Variants in SAMMSON observed in about 807,000 individuals in gnomAD.
The protein encoded by SAMMSON is survival associated mitochondrial melanoma specific oncogenic non-coding RNA.
chr3:70,043,640 G>T (rs1055177147), intron 3 of SAMMSON, among the ~76,000 whole-genome samples: 1 of 151,990 alleles, frequency 6.6e-6, no homozygotes, highest in Non-Finnish European at 1.5e-5. Flanking sequence ...CTGACCTGGG[G>T]TAGTTTTTAA....
intron 8 of SAMMSON, chr3:70,354,388 G>GT (rs1702814588): frequency 6.6e-6 from 1 of 152,130 alleles, no homozygotes; most frequent in Non-Finnish European, 1.5e-5. Flanking sequence ...ATCAAATGAA[G>GT]AGTAAAATGA....
At chr3:70,333,901 T>A (rs1267212080) in intron 7 of SAMMSON, among the ~76,000 whole-genome samples, 1 of 152,218 alleles carries the variant, frequency 6.6e-6, no homozygotes, top group Non-Finnish European at 1.5e-5. Context: ...GCCCAATTTC[T>A]TACATATTGG....
At chr3:70,171,329 T>A (rs1280417586) in intron 4 of SAMMSON, among the ~76,000 whole-genome samples, 1 of 151,802 alleles carries the variant, frequency 6.6e-6, no homozygotes, top group Admixed American at 6.6e-5. Context: ...CTAGTAAATC[T>A]GGGAGCACCT....
At chr3:70,230,549 T>C (rs746570751) in intron 4 of SAMMSON, among the ~76,000 whole-genome samples, 4 of 152,210 alleles carry the variant, frequency 2.6e-5, no homozygotes, top group Non-Finnish European at 5.9e-5. Context: ...GATGTTTGAA[T>C]AATGGAACTC....
chr3:70,034,125 A>G (rs1311005730), intron 3 of SAMMSON, among the ~76,000 whole-genome samples: 1 of 152,146 alleles, frequency 6.6e-6, no homozygotes, highest in Non-Finnish European at 1.5e-5. Context: ...ATAAATGGTG[A>G]AGGGGAAGGA....
intron 7 of SAMMSON, among the ~76,000 whole-genome samples, chr3:70,295,535 T>G (rs951706559): frequency 6.6e-6 from 1 of 151,978 alleles, no homozygotes; most frequent in Non-Finnish European, 1.5e-5. Context: ...AGATCCCGTC[T>G]CTACAAAAAA....
intron 9 of SAMMSON, among the ~76,000 whole-genome samples, chr3:70,381,045 T>C (rs1234562998): frequency 6.6e-6 from 1 of 152,184 alleles, no homozygotes; most frequent in Non-Finnish European, 1.5e-5. Context: ...TTATACTCCT[T>C]TGGGTATATA....
intron 8 of SAMMSON, among the ~76,000 whole-genome samples, chr3:70,357,544 C>T (rs1702838491): frequency 6.6e-6 from 1 of 151,800 alleles, no homozygotes; most frequent in African/African-American, 2.4e-5. Context: ...AATGAGAGCA[C>T]ATGGACACAG....
chr3:70,389,352 C>T (rs1701023466), intron 9 of SAMMSON, among the ~76,000 whole-genome samples: 1 of 151,942 alleles, frequency 6.6e-6, no homozygotes, highest in Admixed American at 6.6e-5. Flanking sequence ...GGGAGAGTTG[C>T]CAAAAACTCA....
At chr3:70,323,829 C>T (rs994357295) in intron 7 of SAMMSON, among the ~76,000 whole-genome samples, 42 of 152,074 alleles carry the variant, frequency 2.8e-4, no homozygotes, top group African/African-American at 9.9e-4. Flanking sequence ...TTCAGCTTCT[C>T]CATCTCTTGA....
chr3:70,290,496 G>A (rs1041842761), intron 6 of SAMMSON, among the ~76,000 whole-genome samples: 1 of 152,342 alleles, frequency 6.6e-6, no homozygotes, highest in Admixed American at 6.5e-5. Context: ...GTCTGCAGAG[G>A]TTATGGCTGT....
intron 7 of SAMMSON, among the ~76,000 whole-genome samples, chr3:70,326,833 T>A (rs954504003): frequency 6.6e-6 from 1 of 152,142 alleles, no homozygotes; most frequent in Non-Finnish European, 1.5e-5. Context: ...TTGTACATAT[T>A]TGATGATGAT....
chr3:70,139,183 C>T (rs1256907875), intron 4 of SAMMSON, among the ~76,000 whole-genome samples: 2 of 152,126 alleles, frequency 1.3e-5, no homozygotes, highest in African/African-American at 4.8e-5. Context: ...ACTACAGACA[C>T]ATGACACCAC....
chr3:70,038,346 T>C (rs1336481329), intron 3 of SAMMSON, among the ~76,000 whole-genome samples: 2 of 152,140 alleles, frequency 1.3e-5, no homozygotes, highest in Non-Finnish European at 2.9e-5. Flanking sequence ...TCTCTTGTTT[T>C]CTCTCACCAT....
intron 9 of SAMMSON, among the ~76,000 whole-genome samples, chr3:70,361,287 TC>T (rs1011845524): frequency 1.3e-5 from 2 of 152,210 alleles, no homozygotes; most frequent in Non-Finnish European, 2.9e-5. Context: ...GTTCTTGGGT[TC>T]TTTTAATACA....
At chr3:70,136,433 C>G (rs1391726414) in intron 4 of SAMMSON, among the ~76,000 whole-genome samples, 1 of 152,180 alleles carries the variant, frequency 6.6e-6, no homozygotes. Flanking sequence ...TTGCCAATAG[C>G]CATCTGAGTG....
chr3:70,021,247 A>G (rs1338186563), intron 3 of SAMMSON, among the ~76,000 whole-genome samples: 1 of 152,180 alleles, frequency 6.6e-6, no homozygotes, highest in Non-Finnish European at 1.5e-5. Context: ...AATTAGTGTA[A>G]TGAGTTCTCA....
Position 70,028,085 on chromosome 3 carries a change from TTTCCTTCC to T in SAMMSON, n.417+14434_417+14441del, listed in dbSNP as rs113880254. Among the ~76,000 whole-genome samples, 190 of 143,500 alleles carry T rather than the reference TTTCCTTCC, an allele frequency of 1.3e-3. 3 individuals are homozygous for T. Among genetic ancestry groups the T allele is most frequent in the African/African-American group, 5.0e-3 (177 of 35,610 alleles). The allele number at this position is 143,500 out of a possible 152,430, so 94.1% of individuals were successfully genotyped here. On this transcript the variant is annotated intron_variant and non_coding_transcript_variant, in intron 3 of 9. Transcript: ENST00000642114. ...CTTGCCTGCCTGCCTGCCTTCCTTCTTTCCTTCCTTCCTTCCTTCCTTCCTTCCCTTCC... is the reference window on the plus strand; with the variant it reads ...CTTGCCTGCCTGCCTGCCTTCCTTCTTTCCTTCCTTCCTTCCTTCCCTTCC...
chr3:70,088,586 T>C (rs2067294133), intron 4 of SAMMSON, among the ~76,000 whole-genome samples: 1 of 152,200 alleles, frequency 6.6e-6, no homozygotes, highest in Non-Finnish European at 1.5e-5. Context: ...ATTTGGGATC[T>C]TTTGTAGAGA....
Sources: gnomAD v4.1 joint callset for allele counts (sites outside exome capture counted in the v4.1 genomes callset) on GRCh38, gnomAD v4.1.1 for gene constraint, MANE v1.5 for transcripts, NCBI Gene and HGNC (gene_info 2026-07-23, HGNC 2026-07-21) for gene names.